Variants in SLC26A11 observed in about 807,000 individuals in gnomAD.
SLC26A11 encodes the protein sodium-independent sulfate anion transporter.
SLC26A11 carries 58 observed loss-of-function variants against 62.2 expected under a neutral mutation model. That is an observed-to-expected ratio of 0.93 (90% CI 0.76 to 1.16). The LOEUF is 1.16. Ranked by LOEUF, SLC26A11 falls within the 50% of genes most tolerant of loss-of-function variation. The pLI, the probability that SLC26A11 is intolerant of heterozygous loss-of-function variation, is 0.00. For missense variants in SLC26A11, 790 were observed against 794.3 expected (o/e 0.99, Z 0.06); for synonymous variants, 411 against 368.9 (o/e 1.11, Z -1.31).
chr17:80,226,066 G>A, intron 6 of SLC26A11, 150 bp downstream of exon 6: 1 of 659,372 alleles, frequency 1.5e-6, no homozygotes, highest in East Asian at 2.7e-5. Flanking sequence ...AAGCTGGCAA[G>A]AAATGAGACT....
chr17:80,221,520 G>T lies in SLC26A11; in HGVS notation c.-13-28G>T, dbSNP rs749397582. ...GTTCTTCAAAGGCCACGCTCTGACTGCTGGTCTGTGTCACCTGCACCCCCC... is the reference window on the plus strand; with the variant it reads ...GTTCTTCAAAGGCCACGCTCTGACTTCTGGTCTGTGTCACCTGCACCCCCC... On this transcript the variant is annotated intron_variant, in intron 2 of 17. Transcript: ENST00000361193. The T allele has an allele frequency of 1.3e-4, 196 of 1,479,794 alleles. 1 individual carries two copies. The highest frequency in any genetic ancestry group is 4.3e-5 in the Admixed American group (2 of 46,348). The allele number at this position is 1,479,794 out of a possible 1,614,324, so 91.7% of individuals were successfully genotyped here.
chr17:80,243,914 G>A (rs1030850440), intron 10 of SLC26A11, among the ~76,000 whole-genome samples: 2 of 152,186 alleles, frequency 1.3e-5, no homozygotes, highest in South Asian at 2.1e-4. Flanking sequence ...GGTCAGCTTC[G>A]GCTCACAGAG....
rs1362447173 is a variant in SLC26A11 at position 80,238,105 on chromosome 17, C to A, written c.985+511C>A. ...AGGCATGGTGGCCCAGGCCTGTAAT[C>A]CCAACACTTTGGGAGGCTGAGACGG... On this transcript the variant is annotated intron_variant, in intron 9 of 17. Coordinates refer to ENST00000361193, the MANE Select transcript of SLC26A11 (RefSeq NM_001166347.2). Among the ~76,000 whole-genome samples the A allele has an allele frequency of 2.0e-5, 3 of 152,244 alleles. No homozygotes were observed. The South Asian group carries it at 6.2e-4, about 31-fold the overall frequency.
intron 10 of SLC26A11, 61 bp downstream of exon 10, chr17:80,241,882 C>A: frequency 6.4e-7 from 1 of 1,560,310 alleles, no homozygotes; most frequent in Non-Finnish European, 8.8e-7. Context: ...CCCAGGCCTG[C>A]CCCTCTGTGT....
At chr17:80,237,703 C>G (rs1651738626) in intron 9 of SLC26A11, 109 bp downstream of exon 9, 1 of 1,011,308 alleles carries the variant, frequency 9.9e-7, no homozygotes, top group Admixed American at 2.3e-5. Flanking sequence ...AATTTGAATT[C>G]ATATCCAAGT....
Position 80,246,471 on chromosome 17 carries a change from T to G in SLC26A11, c.1154-38T>G, listed in dbSNP as rs747965657. ...GCTACGCTGCGTGCTGGGGGGACCCTGCACTCCCGAGGTCACCTGTGTTCC... is the reference window on the plus strand; with the variant it reads ...GCTACGCTGCGTGCTGGGGGGACCCGGCACTCCCGAGGTCACCTGTGTTCC... On this transcript the variant is annotated intron_variant, in intron 12 of 17. Coordinates refer to ENST00000361193, the MANE Select transcript of SLC26A11 (RefSeq NM_001166347.2). This position sits in a 1 kb window ranked among gnomAD's most constrained non-coding sequence, Gnocchi z 4.4. The G allele has an allele frequency of 6.2e-7, 1 of 1,603,620 alleles. No individual in the cohort carries two copies. Among genetic ancestry groups the G allele is most frequent in the South Asian group, 1.1e-5 (1 of 91,048 alleles).
Position 80,222,003 on chromosome 17 carries a change from G to A in SLC26A11, c.234+209G>A. The A allele has an allele frequency of 1.7e-6, 1 of 572,636 alleles. No homozygotes were observed. The highest frequency in any genetic ancestry group is 3.1e-5 in the East Asian group (1 of 32,256). 35.5% of individuals were successfully genotyped at this position (572,636 alleles called of 1,614,324 possible). On this transcript the variant is annotated intron_variant, in intron 3 of 17. Coordinates refer to ENST00000361193, the MANE Select transcript of SLC26A11 (RefSeq NM_001166347.2). This position sits in a 1 kb window ranked among gnomAD's most constrained non-coding sequence, Gnocchi z 4.7. Reference sequence around the variant, plus strand: ...ACAGACACTGAGCTGGTTATGGAGGGGCCAGCGAGATGACTCATGGAGGCC... The same window carrying A: ...ACAGACACTGAGCTGGTTATGGAGGAGCCAGCGAGATGACTCATGGAGGCC...
At chr17:80,237,498 C>CA in intron 8 of SLC26A11, 24 bp from the exon 9 acceptor site, 1 of 1,597,194 alleles carries the variant, frequency 6.3e-7, no homozygotes, top group Non-Finnish European at 8.5e-7. Context: ...GAAGGTCACT[C>CA]ACCATCCCTC....
Position 80,238,811 on chromosome 17 carries a change from G to GGTTTTTTTTTTTT in SLC26A11, c.985+1217_985+1218insGTTTTTTTTTTTT, listed in dbSNP as rs1555629117. On this transcript the variant is annotated intron_variant, in intron 9 of 17. Transcript: ENST00000361193. Reference sequence around the variant, plus strand: ...TCTAACCCTTACCCCCTTCAAAGGAGTTTTTTTTGTTTTTTGTTTTTTTTT... The same window carrying GGTTTTTTTTTTTT: ...TCTAACCCTTACCCCCTTCAAAGGAGGTTTTTTTTTTTTTTTTTTTTGTTTTTTGTTTTTTTTT... Among the ~76,000 whole-genome samples the GGTTTTTTTTTTTT allele has an allele frequency of 1.5e-4, 19 of 123,264 alleles. 2 individuals carry two copies. Among genetic ancestry groups the GGTTTTTTTTTTTT allele is most frequent in the African/African-American group, 6.5e-4 (19 of 29,232 alleles). The allele number at this position is 123,264 out of a possible 152,430, so 80.9% of individuals were successfully genotyped here.
intron 15 of SLC26A11, 32 bp from the exon 16 acceptor site, chr17:80,249,112 CTGCTCTGGGT>C: frequency 6.3e-7 from 1 of 1,588,798 alleles, no homozygotes; most frequent in Non-Finnish European, 8.5e-7. Context: ...CAGCTTTGGG[CTGCTCTGGGT>C]GGCGTGACCT....
chr17:80,247,622 CT>C (rs1041399501), intron 13 of SLC26A11, among the ~76,000 whole-genome samples: 46 of 152,356 alleles, frequency 3.0e-4, no homozygotes, highest in African/African-American at 1.1e-3. Context: ...TGCCAGTGCG[CT>C]GGGGCTTTAG....
intron 10 of SLC26A11, among the ~76,000 whole-genome samples, chr17:80,244,247 G>A (rs1023592530): frequency 7.9e-5 from 12 of 152,184 alleles, no homozygotes; most frequent in African/African-American, 2.2e-4. Context: ...AGTGATCCCC[G>A]TTCTTGGGCC....
At chr17:80,251,076 G>A (rs902554800) in intron 16 of SLC26A11, among the ~76,000 whole-genome samples, 22 of 151,890 alleles carry the variant, frequency 1.4e-4, no homozygotes, top group African/African-American at 4.6e-4. Context: ...AGGCTGCAGT[G>A]AGCCATGATC....
At chr17:80,233,131 C>T (rs755370958) in intron 7 of SLC26A11, among the ~76,000 whole-genome samples, 6 of 147,394 alleles carry the variant, frequency 4.1e-5, no homozygotes, top group Non-Finnish European at 9.0e-5. Flanking sequence ...TGCCTGTAAT[C>T]CCAGCTACTG....
At chr17:80,235,366 T>C (rs1301746391) in intron 7 of SLC26A11, among the ~76,000 whole-genome samples, 1 of 152,140 alleles carries the variant, frequency 6.6e-6, no homozygotes, top group Non-Finnish European at 1.5e-5. Flanking sequence ...TTTTTTATTT[T>C]TATTTTTTGA....
intron 5 of SLC26A11, among the ~76,000 whole-genome samples, chr17:80,224,916 C>T (rs1049848129): frequency 6.6e-6 from 1 of 151,992 alleles, no homozygotes; most frequent in Admixed American, 6.5e-5. Flanking sequence ...TCCCAGAGTC[C>T]GCCCCCCAGG....
intron 10 of SLC26A11, 49 bp downstream of exon 10, chr17:80,241,870 G>A (rs770165142): frequency 1.3e-6 from 2 of 1,599,378 alleles, no homozygotes; most frequent in South Asian, 2.2e-5. Context: ...GGCCTCCAGG[G>A]TCCCAGGCCT....
chr17:80,250,487 G>T (rs941090080), intron 16 of SLC26A11, among the ~76,000 whole-genome samples: 6 of 152,180 alleles, frequency 3.9e-5, no homozygotes, highest in Non-Finnish European at 7.3e-5. Context: ...GTTACGTCCT[G>T]TGTCATATTT....
rs1204139318 is a variant in SLC26A11, at chr17:80,222,959, A to ATG, written c.427+124_427+125dup. On this transcript the variant is annotated intron_variant, in intron 4 of 17. Transcript: ENST00000361193. The surrounding 1 kb of genome is among the most constrained non-coding windows in gnomAD (Gnocchi z 4.7). ...TGTGCGTGTTGGGGTGTGGGTATGT[A>ATG]TGTGTGTGTGTGTAGGTGGGTGGGT... is the stretch of plus-strand genomic sequence containing the variant. 1.3e-4 allele frequency: 84 copies of ATG among 641,168 alleles called. No individual in the cohort carries two copies. The highest frequency in any genetic ancestry group is 1.2e-4 in the East Asian group (3 of 24,722). The allele number at this position is 641,168 out of a possible 1,614,324, so 39.7% of individuals were successfully genotyped here. A position where few individuals can be genotyped will look rare whatever the true frequency, so the allele number is the denominator to read the frequency against.
Sources: allele counts gnomAD v4.1 joint callset (sites outside exome capture counted in the v4.1 genomes callset), GRCh38; gene constraint gnomAD v4.1.1; non-coding constraint Gnocchi (gnomAD v3.1); transcripts MANE v1.5; gene names NCBI Gene and HGNC (gene_info 2026-07-23, HGNC 2026-07-21).